Variants in LENG8 observed in about 807,000 individuals in gnomAD.
LENG8 encodes the protein leukocyte receptor cluster member 8.
Under a neutral mutation model 102.1 loss-of-function variants are expected in LENG8, and 28 were observed. That is an observed-to-expected ratio of 0.27 (90% CI 0.20 to 0.38). The LOEUF (loss-of-function observed/expected upper bound fraction) is 0.38. LENG8 is among the 10% of genes least tolerant of loss of function. The probability of loss-of-function intolerance (pLI) is 1.00; values close to 1 mark genes in which losing one functional copy is unlikely to be tolerated. For synonymous variants in LENG8, 531 were observed against 456.7 expected, an observed-to-expected ratio of 1.16 and a Z score of -2.07; for missense variants, 1,022 against 1,113.9, an observed-to-expected ratio of 0.92 and a Z score of 1.17.
At chr19:54,454,780 T>C in intron 6 of LENG8, 98 bp downstream of exon 6, 1 of 1,452,868 alleles carries the variant, frequency 6.9e-7, no homozygotes, top group Non-Finnish European at 9.2e-7. Flanking sequence ...TGTTTCTGGG[T>C]GTTGTGATCG....
intron 1 of LENG8, among the ~76,000 whole-genome samples, chr19:54,450,563 C>G (rs1271038623): frequency 6.6e-6 from 1 of 151,362 alleles, no homozygotes; most frequent in Non-Finnish European, 1.5e-5. Context: ...AGACTCTTCT[C>G]ATTATAGCAT....
chr19:54,457,260 C>A (rs543876434), intron 11 of LENG8, among the ~76,000 whole-genome samples: 32 of 152,322 alleles, frequency 2.1e-4, no homozygotes, highest in Middle Eastern at 3.4e-3. Flanking sequence ...AGTCACTGTT[C>A]TGCTGCAGAA....
rs568888631 is a variant in LENG8 at position 54,455,579 on chromosome 19, TG to T, written c.1025+17del. On this transcript the variant is annotated intron_variant, in intron 8 of 15. Coordinates refer to ENST00000326764, the MANE Select transcript of LENG8 (RefSeq NM_052925.4). ...GAGCCCTTGCCGGGGTTAGTCTGGG[TG>T]GGGGACATAGGTGGGAGGGTGGTGC... 1.2e-3 allele frequency: 1,995 copies of T among 1,600,618 alleles called. 20 individuals carry two copies. The African/African-American group carries it at 0.024, about 20-fold the overall frequency.
Position 54,455,101 on chromosome 19 carries a change from T to A in LENG8, c.821+9T>A, listed in dbSNP as rs1443071875. Reference sequence around the variant, plus strand: ...AAAGTTCAGAACCACAGGTGACGTCTGCCCCCTTGCCCCGTCGCAGCCCCA... The same window carrying A: ...AAAGTTCAGAACCACAGGTGACGTCAGCCCCCTTGCCCCGTCGCAGCCCCA... On this transcript the variant is annotated intron_variant, in intron 7 of 15. Transcript: ENST00000326764. 1.2e-6 allele frequency: 2 copies of A among 1,613,976 alleles called. No individual in the cohort carries two copies. The highest frequency in any genetic ancestry group is 1.7e-6 in the Non-Finnish European group (2 of 1,179,970).
At chr19:54,450,092 C>T (rs1293855577) in intron 1 of LENG8, among the ~76,000 whole-genome samples, 1 of 152,220 alleles carries the variant, frequency 6.6e-6, no homozygotes. Context: ...AGACACTCCA[C>T]TTTTCTTCCA....
Position 54,455,016 on chromosome 19 carries a change from A to G in LENG8, c.745A>G (p.Ser249Gly), listed in dbSNP as rs1184429160. 6.2e-7 allele frequency: 1 copy of G among 1,614,018 alleles called. No homozygotes were observed. The highest frequency in any genetic ancestry group is 1.3e-5 in the African/African-American group (1 of 74,908). ...QKRPFAVTTQ[S>G]FGSNAEGQHS... ...GCGACCCTTTGCTGTTACCACCCAG[A>G]GCTTTGGCTCCAACGCAGAGGGCCA... The change falls in exon 7 of 16, where the codon AGC (serine) becomes GGC (glycine). Residue 249 changes from serine to glycine, a missense_variant. Physicochemically the swap from Ser to Gly is moderately conservative, Grantham distance 56. This residue lies in a region of LENG8 where 343 missense variants were observed against 320.2 expected (regional missense o/e 1.07). Coordinates refer to ENST00000326764, the MANE Select transcript of LENG8 (RefSeq NM_052925.4).
In LENG8 at chr19:54,460,898, C is replaced by A; in HGVS notation, c.2373C>A (p.Arg791=). 1 of 1,553,018 alleles carries A rather than the reference C, an allele frequency of 6.4e-7. No homozygotes were observed. The highest frequency in any genetic ancestry group is 8.7e-7 in the Non-Finnish European group (1 of 1,150,362). ...TGPDNSSIDC[R]LSLAQLSAF is the part of the protein sequence containing the mutation. ...CGGACAACTCCAGCATCGACTGCCGCCTCAGCCTGGCGCAGCTGTCAGCCT... is the reference window on the plus strand; with the variant it reads ...CGGACAACTCCAGCATCGACTGCCGACTCAGCCTGGCGCAGCTGTCAGCCT... The change falls in exon 16 of 16, where the codon CGC becomes CGA. Residue 791 remains arginine (R), a synonymous_variant. Transcript: ENST00000326764.
In LENG8 at chr19:54,456,630, TC is replaced by T. The variant is rs748682149; in HGVS notation, c.1446-4del. ...GTCGCGCTCACTGCCCCTCATCCCT[TC>T]CTAGGCACGATCTGGCGCCCACCAA... On this transcript the variant is annotated splice_polypyrimidine_tract_variant and splice_region_variant and intron_variant, in intron 10 of 15. Transcript: ENST00000326764. 2 of 1,606,252 alleles carry T rather than the reference TC, an allele frequency of 1.2e-6. No individual in the cohort carries two copies. The highest frequency in any genetic ancestry group is 1.1e-5 in the South Asian group (1 of 90,328).
In LENG8 at chr19:54,454,618, G is replaced by T. The variant is rs1348767410; in HGVS notation, c.615G>T (p.Gly205=). The change falls in exon 6 of 16, where the codon GGG becomes GGT. Residue 205 remains glycine (G), a synonymous_variant. Coordinates refer to ENST00000326764, the MANE Select transcript of LENG8 (RefSeq NM_052925.4). ...GGCCCGCCACGGGCCAGGCCTATGG[G>T]CCACACACCTACACCGAACCTGCCA... ...QAGPATGQAY[G]PHTYTEPAKP... 3.7e-6 allele frequency: 6 copies of T among 1,610,346 alleles called. No individual in the cohort carries two copies. The highest frequency in any genetic ancestry group is 5.1e-6 in the Non-Finnish European group (6 of 1,179,444).
chr19:54,454,836 G>A, intron 6 of LENG8, 115 bp from the exon 7 acceptor site: 2 of 1,464,946 alleles, frequency 1.4e-6, no homozygotes, highest in Non-Finnish European at 1.9e-6. Flanking sequence ...ATGTGTGCTG[G>A]AGCCCTCCTC....
At position 54,458,014 on chromosome 19, in the gene LENG8, T is replaced by A. The variant is rs979460737; in HGVS notation, c.1902+12T>A. 8 of 1,613,212 alleles carry A rather than the reference T, an allele frequency of 5.0e-6. No homozygotes were observed. The Admixed American group carries it at 1.2e-4, about 24-fold the overall frequency. On this transcript the variant is annotated intron_variant, in intron 13 of 15. Transcript: ENST00000326764. ...TCGCCTTGGAGAAGGTGAGCTGGCC[T>A]CTGCGGGCCTCCCCAGCCCCTTTCC...
intron 14 of LENG8, 30 bp from the exon 15 acceptor site, chr19:54,458,284 C>T (rs1362695129): frequency 1.9e-6 from 3 of 1,613,206 alleles, no homozygotes; most frequent in East Asian, 2.2e-5. Context: ...TTGAGCCCTG[C>T]TGACTTCACC....
chr19:54,455,008 C>T lies in LENG8; in HGVS notation c.737C>T (p.Thr246Ile). 6.2e-7 allele frequency: 1 copy of T among 1,614,224 alleles called. No individual in the cohort carries two copies. Among genetic ancestry groups the T allele is most frequent in the African/African-American group, 1.3e-5 (1 of 75,054 alleles). The change falls in exon 7 of 16, where the codon ACC (threonine) becomes ATC (isoleucine). Residue 246 changes from threonine to isoleucine, a missense_variant. This residue lies in a region of LENG8 where 343 missense variants were observed against 320.2 expected (regional missense o/e 1.07). Coordinates refer to ENST00000326764, the MANE Select transcript of LENG8 (RefSeq NM_052925.4). ...ATCCAGAAGCGACCCTTTGCTGTTA[C>T]CACCCAGAGCTTTGGCTCCAACGCA... ...FNIQKRPFAV[T>I]TQSFGSNAEG... is the part of the protein sequence containing the mutation.
chr19:54,458,618 C>G (rs764939828), intron 15 of LENG8, 97 bp downstream of exon 15: 112 of 1,574,570 alleles, frequency 7.1e-5, no homozygotes, highest in Middle Eastern at 3.3e-4. Context: ...CTCCCCCAGC[C>G]CCCAACCCTT....
rs546859207 is a variant in LENG8, at chr19:54,454,973, C to G, written c.702C>G (p.Leu234=). The change falls in exon 7 of 16, where the codon CTC becomes CTG. Residue 234 remains leucine (L), a synonymous_variant. Transcript: ENST00000326764. The part of the protein sequence containing the change: ...RMKPAPGTGG[L]KFNIQKRPFA... ...CAGCCGCCCCTGGGACTGGAGGTCT[C>G]AAGTTCAACATCCAGAAGCGACCCT... 3.7e-6 allele frequency: 6 copies of G among 1,614,210 alleles called. No homozygotes were observed. The Admixed American group carries it at 5.0e-5, about 13-fold the overall frequency.
chr19:54,456,518 G>A (rs1989405840), intron 10 of LENG8, 53 bp downstream of exon 10: 6 of 1,551,888 alleles, frequency 3.9e-6, no homozygotes, highest in Non-Finnish European at 8.7e-7. Context: ...AGGGTACTGG[G>A]GACCCATGGG....
At position 54,456,898 on chromosome 19, in the gene LENG8, C is replaced by G. The variant is rs1220119231; in HGVS notation, c.1708C>G (p.Pro570Ala). ...CCTGCGCCTCACCTGTGCCCCCGAC[C>G]CGTCCACCGTGCGCCCTGTGGCAGT... is the stretch of plus-strand genomic sequence containing the variant. ...HYLRLTCAPD[P>A]STVRPVAVLK... Residue 570 changes from proline to alanine, a missense_variant, in exon 11 of 16, where the codon CCG (proline) becomes GCG (alanine). This residue lies in a region of LENG8 where 158 missense variants were observed against 229.0 expected (regional missense o/e 0.69). Transcript: ENST00000326764. 2 of 1,608,264 alleles carry G rather than the reference C, an allele frequency of 1.2e-6. No homozygotes were observed. The highest frequency in any genetic ancestry group is 8.5e-7 in the Non-Finnish European group (1 of 1,179,664).
At chr19:54,454,343 A>T in intron 5 of LENG8, 87 bp from the exon 6 acceptor site, 1 of 1,370,330 alleles carries the variant, frequency 7.3e-7, no homozygotes, top group Admixed American at 2.2e-5. Context: ...GAGTGCTGTG[A>T]CCACTGCGTC....
At chr19:54,454,290 G>A (rs2084101976) in intron 5 of LENG8, 140 bp from the exon 6 acceptor site, 5 of 777,348 alleles carry the variant, frequency 6.4e-6, no homozygotes, top group Non-Finnish European at 8.3e-6. Context: ...CTGAGGACTC[G>A]AATGAACTCA....
Sources: gnomAD v4.1 joint callset for allele counts (sites outside exome capture counted in the v4.1 genomes callset) on GRCh38, gnomAD v4.1.1 for gene constraint, gnomAD v4.1.1 regional missense constraint, MANE v1.5 for transcripts, NCBI Gene and HGNC (gene_info 2026-07-23, HGNC 2026-07-21) for gene names.